Variants in KIF6 observed in about 807,000 individuals in gnomAD.
KIF6 encodes kinesin family member 6, also known as kinesin-like protein KIF6.
A neutral mutation model predicts 112.7 loss-of-function variants in KIF6; 106 were observed. That is an observed-to-expected ratio of 0.94 (90% CI 0.80 to 1.11). The LOEUF (loss-of-function observed/expected upper bound fraction) is 1.11. Ranked by LOEUF, KIF6 falls within the 50% of genes least tolerant of loss-of-function variation. The pLI is 0.00. For missense variants in KIF6, 929 were observed against 964.0 expected (o/e 0.96, Z 0.48); for synonymous variants, 339 against 339.9 (o/e 1.00, Z 0.03).
At chr6:39,536,385 C>T (rs1582078172) in intron 13 of KIF6, among the ~76,000 whole-genome samples, 1 of 152,050 alleles carries the variant, frequency 6.6e-6, no homozygotes, top group African/African-American at 2.4e-5. Context: ...AAGGGGATAT[C>T]ACCACTGATC....
At position 39,354,727 on chromosome 6, in the gene KIF6, T is replaced by TGCCCCACC. The variant is rs757680201; in HGVS notation, c.2180+2542_2180+2549dup. ...GCAAGCAGCCTAGGACAGGACCCGCTGCCCCACCATGCAATCAGCACTTGC... is the reference window on the plus strand; with the variant it reads ...GCAAGCAGCCTAGGACAGGACCCGCTGCCCCACCGCCCCACCATGCAATCAGCACTTGC... On this transcript the variant is annotated intron_variant, in intron 19 of 22. Coordinates refer to ENST00000287152, the MANE Select transcript of KIF6 (RefSeq NM_145027.6). Among the ~76,000 whole-genome samples, 15 of 152,344 alleles carry TGCCCCACC rather than the reference T, an allele frequency of 9.8e-5. 1 individual carries two copies. The highest frequency in any genetic ancestry group is 6.8e-3 in the Middle Eastern group (2 of 294).
chr6:39,596,996 G>A (rs574376576), intron 6 of KIF6, among the ~76,000 whole-genome samples: 1 of 152,204 alleles, frequency 6.6e-6, no homozygotes, highest in South Asian at 2.1e-4. Flanking sequence ...AATAATAAGG[G>A]ATGAATTTTC....
intron 13 of KIF6, among the ~76,000 whole-genome samples, chr6:39,518,418 A>C (rs1777193166): frequency 6.6e-6 from 1 of 152,220 alleles, no homozygotes; most frequent in Non-Finnish European, 1.5e-5. Flanking sequence ...CTAATGGTTA[A>C]AAAATGTTCA....
chr6:39,648,212 C>T (rs926861030), intron 3 of KIF6, among the ~76,000 whole-genome samples: 4 of 58,424 alleles, frequency 6.8e-5, no homozygotes, highest in Admixed American at 2.4e-4. Context: ...TTAGTAGAGA[C>T]GGGGGGCGGG....
At chr6:39,601,411 C>G (rs935151104) in intron 6 of KIF6, among the ~76,000 whole-genome samples, 1 of 152,086 alleles carries the variant, frequency 6.6e-6, no homozygotes, top group Non-Finnish European at 1.5e-5. Flanking sequence ...TTGATTAATG[C>G]CAATCCTATC....
chr6:39,544,730 T>G lies in KIF6; in HGVS notation c.1288-37A>C, dbSNP rs112167258. On this transcript the variant is annotated intron_variant, in intron 11 of 22. Coordinates refer to ENST00000287152, the MANE Select transcript of KIF6 (RefSeq NM_145027.6). ...AATAAGAGCTTAGTACCCATATCTC[T>G]AGTCCAAATTTCTTTGTTTCTTTGA... The G allele has an allele frequency of 4.0e-4, 525 of 1,300,468 alleles. 1 individual carries two copies. The African/African-American group carries it at 7.1e-3, about 18-fold the overall frequency. The allele number at this position is 1,300,468 out of a possible 1,614,324, so 80.6% of individuals were successfully genotyped here. A position where few individuals can be genotyped will look rare whatever the true frequency, so the allele number is the denominator to read the frequency against.
intron 21 of KIF6, among the ~76,000 whole-genome samples, chr6:39,344,892 C>T (rs1032577221): frequency 5.9e-5 from 9 of 152,190 alleles, no homozygotes; most frequent in African/African-American, 1.2e-4. Flanking sequence ...TCCTTTGCTG[C>T]GATGTGTGGC....
chr6:39,526,582 T>A (rs1777743111), intron 13 of KIF6, among the ~76,000 whole-genome samples: 2 of 152,204 alleles, frequency 1.3e-5, no homozygotes, highest in South Asian at 4.1e-4. Context: ...CTCACTCTCA[T>A]GTGTGCATTA....
rs1762857140 is a variant in KIF6, at chr6:39,334,890, CT to C, written c.*1641del. 1 of 152,184 alleles carries C rather than the reference CT, an allele frequency of 6.6e-6. No homozygotes were observed. Among genetic ancestry groups the C allele is most frequent in the Non-Finnish European group, 1.5e-5 (1 of 68,064 alleles). The allele number at this position is 152,184 out of a possible 1,614,324, so 9.4% of individuals were successfully genotyped here. ...TTCTACAGACTTTACAGAGGGCTTA[CT>C]ATGTTCCATTGAACTGTGAGGGCCA... On this transcript the variant is annotated 3_prime_UTR_variant, in exon 23 of 23. Transcript: ENST00000287152.
intron 5 of KIF6, among the ~76,000 whole-genome samples, chr6:39,633,234 C>T (rs888995672): frequency 6.6e-6 from 1 of 151,994 alleles, no homozygotes; most frequent in African/African-American, 2.4e-5. Context: ...AAGAACAGAG[C>T]ATGAGCTCTT....
intron 1 of KIF6, among the ~76,000 whole-genome samples, chr6:39,722,294 C>T (rs1790263566): frequency 6.6e-6 from 1 of 152,146 alleles, no homozygotes; most frequent in South Asian, 2.1e-4. Context: ...CCATTAATGA[C>T]CCTCCACTAC....
chr6:39,406,303 A>T (rs1336832632), intron 15 of KIF6, among the ~76,000 whole-genome samples: 3 of 152,016 alleles, frequency 2.0e-5, no homozygotes, highest in Non-Finnish European at 4.4e-5. Flanking sequence ...CCAGCTTGCT[A>T]GGCTGATATC....
intron 13 of KIF6, among the ~76,000 whole-genome samples, chr6:39,486,391 G>A (rs1775116670): frequency 6.6e-6 from 1 of 152,094 alleles, no homozygotes; most frequent in African/African-American, 2.4e-5. Flanking sequence ...ATGTGGATGG[G>A]CCATCTGGGG....
chr6:39,562,119 C>T (rs190514953), intron 10 of KIF6, among the ~76,000 whole-genome samples: 9 of 152,260 alleles, frequency 5.9e-5, no homozygotes, highest in Admixed American at 5.9e-4. Context: ...TTAGTGGCCC[C>T]ATGATTACTT....
chr6:39,583,674 CTTTTTTTTTTTTTTTTTTT>C lies in KIF6; in HGVS notation c.1077+1205_1077+1223del, dbSNP rs564229262. On this transcript the variant is annotated intron_variant, in intron 9 of 22. Coordinates refer to ENST00000287152, the MANE Select transcript of KIF6 (RefSeq NM_145027.6). ...AAACACTGTTGGTAGGATTTCACTT[CTTTTTTTTTTTTTTTTTTT>C]TTTTTTTTTTTTTTTTTACAGTGCA... Among the ~76,000 whole-genome samples, 14 of 71,708 alleles carry C rather than the reference CTTTTTTTTTTTTTTTTTTT, an allele frequency of 2.0e-4. 1 individual carries two copies. The East Asian group carries it at 3.6e-3, about 18-fold the overall frequency. The allele number at this position is 71,708 out of a possible 152,430, so 47.0% of individuals were successfully genotyped here. A position where few individuals can be genotyped will look rare whatever the true frequency, so the allele number is the denominator to read the frequency against.
intron 5 of KIF6, among the ~76,000 whole-genome samples, chr6:39,624,216 T>C (rs1268499715): frequency 6.6e-6 from 1 of 152,184 alleles, no homozygotes; most frequent in Admixed American, 6.5e-5. Flanking sequence ...ATACCCCATT[T>C]TCCAACTAAA....
intron 10 of KIF6, among the ~76,000 whole-genome samples, chr6:39,576,880 G>T (rs910696054): frequency 3.3e-5 from 5 of 152,138 alleles, no homozygotes; most frequent in African/African-American, 1.2e-4. Context: ...CTGTTTTCTT[G>T]GCTGGATCCT....
chr6:39,654,085 G>A (rs1785629858), intron 3 of KIF6, among the ~76,000 whole-genome samples: 1 of 152,166 alleles, frequency 6.6e-6, no homozygotes. Context: ...TTACAAAGAT[G>A]ACAAGAGGAA....
At chr6:39,500,316 T>C (rs1339700690) in intron 13 of KIF6, among the ~76,000 whole-genome samples, 1 of 152,040 alleles carries the variant, frequency 6.6e-6, no homozygotes, top group East Asian at 1.9e-4. Flanking sequence ...ACACTTCACA[T>C]CGGGAAAAGA....
Sources: gnomAD v4.1 joint callset for allele counts (sites outside exome capture counted in the v4.1 genomes callset) on GRCh38, gnomAD v4.1.1 for gene constraint, MANE v1.5 for transcripts, NCBI Gene and HGNC (gene_info 2026-07-23, HGNC 2026-07-21) for gene names.